SGSM2: variants seen among roughly 807,000 people sequenced by gnomAD.
SGSM2 encodes small G protein signaling modulator 2, also known as RUN and TBC1 domain containing 1.
Under a neutral mutation model 126.6 loss-of-function variants are expected in SGSM2, and 89 were observed. That is an observed-to-expected ratio of 0.70 (90% CI 0.59 to 0.84). The LOEUF is 0.84. Ranked by LOEUF, SGSM2 falls within the 40% of genes least tolerant of loss-of-function variation. The pLI, the probability that SGSM2 is intolerant of heterozygous loss-of-function variation, is 0.00. For missense variants in SGSM2, 1,404 were observed against 1,416.6 expected, an observed-to-expected ratio of 0.99 and a Z score of 0.14; for synonymous variants, 614 against 574.3, an observed-to-expected ratio of 1.07 and a Z score of -0.99.
intron 17 of SGSM2, 48 bp downstream of exon 17, chr17:2,373,561 C>A: frequency 6.5e-7 from 1 of 1,529,258 alleles, no homozygotes; most frequent in South Asian, 1.2e-5. Flanking sequence ...GGGCCACCCG[C>A]GTTTTATGCA....
At position 2,377,852 on chromosome 17, in the gene SGSM2, A is replaced by G. The variant is rs758481067; in HGVS notation, c.2803-5A>G. 5.0e-6 allele frequency: 8 copies of G among 1,597,816 alleles called. No homozygotes were observed. Among genetic ancestry groups the G allele is most frequent in the South Asian group, 4.4e-5 (4 of 90,740 alleles). On this transcript the variant is annotated splice_region_variant and splice_polypyrimidine_tract_variant and intron_variant, in intron 21 of 23. Transcript: ENST00000268989. ...AGCCTCTCTCCCTTTTCCCACCCACATAAGATCCTGGACTCAGAGCTGTTT... is the reference window on the plus strand; with the variant it reads ...AGCCTCTCTCCCTTTTCCCACCCACGTAAGATCCTGGACTCAGAGCTGTTT...
At chr17:2,360,534 A>G (rs1193061837) in intron 2 of SGSM2, among the ~76,000 whole-genome samples, 1 of 152,178 alleles carries the variant, frequency 6.6e-6, no homozygotes, top group Non-Finnish European at 1.5e-5. Context: ...GGAGTCAGGA[A>G]CTGACCTAGA....
intron 2 of SGSM2, among the ~76,000 whole-genome samples, chr17:2,349,151 G>C (rs2064737549): frequency 6.6e-6 from 1 of 151,990 alleles, no homozygotes; most frequent in Non-Finnish European, 1.5e-5. Flanking sequence ...TCAGCTGGGT[G>C]GATCACCTGA....
intron 11 of SGSM2, among the ~76,000 whole-genome samples, chr17:2,365,619 T>C (rs1174680959): frequency 1.3e-5 from 2 of 152,250 alleles, no homozygotes; most frequent in Non-Finnish European, 2.9e-5. Flanking sequence ...AGTTATCCTT[T>C]CAGACCCTGT....
In SGSM2 at chr17:2,376,228, C is replaced by A. The variant is rs778001288; in HGVS notation, c.2576C>A (p.Pro859His). The A allele has an allele frequency of 1.9e-6, 3 of 1,614,026 alleles. No homozygotes were observed. Among genetic ancestry groups the A allele is most frequent in the Non-Finnish European group, 2.5e-6 (3 of 1,180,024 alleles). ...CGCAACTACTGGTACTTCACGCCCCCCAACCTCGAGAGGCTCAGAGACGTC... is the reference window on the plus strand; with the variant it reads ...CGCAACTACTGGTACTTCACGCCCCACAACCTCGAGAGGCTCAGAGACGTC... ...CDRNYWYFTP[P>H]NLERLRDVMC... Residue 859 changes from proline to histidine, a missense_variant, in exon 19 of 24, where the codon CCC becomes CAC. Coordinates refer to ENST00000268989, the MANE Select transcript of SGSM2 (RefSeq NM_014853.3).
In SGSM2 at chr17:2,364,579, G is replaced by A. The variant is rs142427065; in HGVS notation, c.933-17G>A. 31,504 of 1,613,816 alleles carry A rather than the reference G, an allele frequency of 0.02. 350 individuals carry two copies. The highest frequency in any genetic ancestry group is 0.034 in the Middle Eastern group (205 of 6,062). On this transcript the variant is annotated splice_polypyrimidine_tract_variant and intron_variant, in intron 8 of 23. Coordinates refer to ENST00000268989, the MANE Select transcript of SGSM2 (RefSeq NM_014853.3). ...CAGGTCTTTGGACACAGTGACAGCAGTCTGGTTCCTTTCTAGCGTTTACTG... is the reference window on the plus strand; with the variant it reads ...CAGGTCTTTGGACACAGTGACAGCAATCTGGTTCCTTTCTAGCGTTTACTG...
chr17:2,343,428 T>C, intron 1 of SGSM2, 117 bp from the exon 2 acceptor site: 1 of 920,448 alleles, frequency 1.1e-6, no homozygotes, highest in Non-Finnish European at 1.8e-6. Context: ...CTGTCATCTC[T>C]GCAAGTGTCT....
Position 2,380,447 on chromosome 17 carries a change from C to T in SGSM2, c.*927C>T. 1.3e-6 allele frequency: 1 copy of T among 790,494 alleles called. No individual in the cohort carries two copies. The highest frequency in any genetic ancestry group is 2.7e-5 in the East Asian group (1 of 37,498). 49.0% of individuals were successfully genotyped at this position (790,494 alleles called of 1,614,324 possible). A position where few individuals can be genotyped will look rare whatever the true frequency, so the allele number is the denominator to read the frequency against. ...GCCCATTATCTGTCGCAGACATCTG[C>T]CATGTCCCTGAGACTGCGGGAGGCA... On this transcript the variant is annotated 3_prime_UTR_variant, in exon 24 of 24. Coordinates refer to ENST00000268989, the MANE Select transcript of SGSM2 (RefSeq NM_014853.3).
At position 2,373,085 on chromosome 17, in the gene SGSM2, A is replaced by G; in HGVS notation, c.1917+4A>G. ...GAGCAAGAAGGAGATGGAGCAGGTG[A>G]GGGGAGCCTGTTCCCATGGGGCTGA... On this transcript the variant is annotated splice_donor_region_variant and intron_variant, in intron 16 of 23. Coordinates refer to ENST00000268989, the MANE Select transcript of SGSM2 (RefSeq NM_014853.3). 6.2e-7 allele frequency: 1 copy of G among 1,603,630 alleles called. No individual in the cohort carries two copies.
Position 2,372,780 on chromosome 17 carries a change from T to A in SGSM2, c.1789-173T>A. On this transcript the variant is annotated intron_variant, in intron 15 of 23. Transcript: ENST00000268989. The surrounding 1 kb of genome is among the most constrained non-coding windows in gnomAD (Gnocchi z 6.0). The stretch of plus-strand genomic sequence containing the variant: ...GGAAGGAGAGCAGAACGAGATCTCA[T>A]CCCACTGTGAGCTGGGGCACGGGAG... 1 of 904,956 alleles carries A rather than the reference T, an allele frequency of 1.1e-6. No individual in the cohort carries two copies. Among genetic ancestry groups the A allele is most frequent in the Non-Finnish European group, 1.6e-6 (1 of 610,110 alleles). The allele number at this position is 904,956 out of a possible 1,614,324, so 56.1% of individuals were successfully genotyped here. A position where few individuals can be genotyped will look rare whatever the true frequency, so the allele number is the denominator to read the frequency against.
chr17:2,348,419 A>G (rs992341794), intron 2 of SGSM2, among the ~76,000 whole-genome samples: 4 of 152,026 alleles, frequency 2.6e-5, no homozygotes, highest in African/African-American at 9.7e-5. Flanking sequence ...CCTCCTTCCC[A>G]CCCACAGGGA....
rs144724181 is a variant in SGSM2 at position 2,362,171 on chromosome 17, C to T, written c.359C>T (p.Pro120Leu). The T allele has an allele frequency of 3.8e-5, 61 of 1,613,950 alleles. 1 individual carries two copies. In the South Asian group the frequency reaches 4.9e-4, roughly 13 times the overall value. Residue 120 changes from proline (P) to leucine (L), a missense_variant, in exon 4 of 24, where the codon CCG becomes CTG. Pro to Leu is a moderately conservative substitution (Grantham distance 98). Transcript: ENST00000268989. This position sits in a 1 kb window ranked among gnomAD's most constrained non-coding sequence, Gnocchi z 4.9. ...RRQGSASGKA[P>L]ALSPQALKHV... Reference sequence around the variant, plus strand: ...CAGGGCTCAGCCAGCGGGAAGGCCCCGGCCCTCAGCCCTCAGGCCTTGAAA... The same window carrying T: ...CAGGGCTCAGCCAGCGGGAAGGCCCTGGCCCTCAGCCCTCAGGCCTTGAAA...
At chr17:2,343,205 G>A (rs2064454872) in intron 1 of SGSM2, among the ~76,000 whole-genome samples, 2 of 152,140 alleles carry the variant, frequency 1.3e-5, no homozygotes, top group African/African-American at 4.8e-5. Context: ...TGTCTCTAAA[G>A]GACAGTATAT....
Position 2,367,474 on chromosome 17 carries a change from C to G in SGSM2, c.1423+69C>G, listed in dbSNP as rs942258930. 6.4e-7 allele frequency: 1 copy of G among 1,555,580 alleles called. No homozygotes were observed. Among genetic ancestry groups the G allele is most frequent in the African/African-American group, 1.4e-5 (1 of 74,064 alleles). On this transcript the variant is annotated intron_variant, in intron 12 of 23. Coordinates refer to ENST00000268989, the MANE Select transcript of SGSM2 (RefSeq NM_014853.3). This position sits in a 1 kb window ranked among gnomAD's most constrained non-coding sequence, Gnocchi z 4.0. ...CCCTCCCGGGCCCGCCTGCCACCCACCACAGGGGTTCGAACGGCAGTGTTG... is the reference window on the plus strand; with the variant it reads ...CCCTCCCGGGCCCGCCTGCCACCCAGCACAGGGGTTCGAACGGCAGTGTTG...
chr17:2,346,972 C>A (rs374971492), intron 2 of SGSM2, among the ~76,000 whole-genome samples: 117 of 152,194 alleles, frequency 7.7e-4, no homozygotes, highest in African/African-American at 2.6e-3. Context: ...GCCTGTAGTC[C>A]CAGCTACTCC....
chr17:2,378,045 T>C, intron 22 of SGSM2, 92 bp downstream of exon 22: 1 of 801,996 alleles, frequency 1.2e-6, no homozygotes, highest in South Asian at 1.6e-5. Flanking sequence ...TAACTGGACC[T>C]TGGAACCACC....
At chr17:2,354,124 C>G (rs2151523400) in intron 2 of SGSM2, among the ~76,000 whole-genome samples, 1 of 152,280 alleles carries the variant, frequency 6.6e-6, no homozygotes, top group Non-Finnish European at 1.5e-5. Flanking sequence ...CTAGGCTGGT[C>G]TCAAACTTCT....
Position 2,379,137 on chromosome 17 carries a change from G to A in SGSM2, c.3001G>A (p.Glu1001Lys). ...CCTGTTCATCGCCCTCGCCCTGGTG[G>A]AGGCCTACCGAGAGATCATCCGTGA... is the stretch of plus-strand genomic sequence containing the variant. The part of the protein sequence containing the change: ...FVLFIALALV[E>K]AYREIIRDNN... Residue 1001 changes from glutamate to lysine, a missense_variant, in exon 23 of 24, where the codon GAG (glutamate) becomes AAG (lysine). Physicochemically the swap from Glu to Lys is moderately conservative, Grantham distance 56. Coordinates refer to ENST00000268989, the MANE Select transcript of SGSM2 (RefSeq NM_014853.3). The A allele has an allele frequency of 6.2e-7, 1 of 1,614,182 alleles. No individual in the cohort carries two copies. Among genetic ancestry groups the A allele is most frequent in the Non-Finnish European group, 8.5e-7 (1 of 1,180,032 alleles).
In SGSM2 at chr17:2,373,415, G is replaced by A. The variant is rs755724967; in HGVS notation, c.2002G>A (p.Glu668Lys). Reference sequence around the variant, plus strand: ...GGTGGTGGTGAGGCAGCGGGAGCGGGAGGCCCACCCAGCCACACGCACCAA... The same window carrying A: ...GGTGGTGGTGAGGCAGCGGGAGCGGAAGGCCCACCCAGCCACACGCACCAA... ...CEVVVRQRER[E>K]AHPATRTKFS... Residue 668 changes from glutamate to lysine, a missense_variant, in exon 17 of 24, where the codon GAG (glutamate) becomes AAG (lysine). Glu to Lys is a moderately conservative substitution (Grantham distance 56). Transcript: ENST00000268989. 2 of 1,612,068 alleles carry A rather than the reference G, an allele frequency of 1.2e-6. No homozygotes were observed. Among genetic ancestry groups the A allele is most frequent in the African/African-American group, 1.3e-5 (1 of 74,998 alleles).
Sources: gnomAD v4.1 joint callset for allele counts (sites outside exome capture counted in the v4.1 genomes callset) on GRCh38, gnomAD v4.1.1 for gene constraint, Gnocchi (gnomAD v3.1) non-coding constraint, MANE v1.5 for transcripts, NCBI Gene and HGNC (gene_info 2026-07-23, HGNC 2026-07-21) for gene names.